NFASC: variants seen among roughly 807,000 people sequenced by gnomAD.
The protein encoded by NFASC is neurofascin homolog.
NFASC carries 43 observed loss-of-function variants against 147.5 expected under a neutral mutation model. The ratio of observed to expected loss-of-function variants is 0.29; its 90% CI spans 0.23 to 0.38. The LOEUF (loss-of-function observed/expected upper bound fraction) is 0.38, where lower values mean the gene tolerates loss of function less well. NFASC is among the 10% of genes least tolerant of loss of function. The pLI is 1.00. For missense variants in NFASC, 1,320 were observed against 1,689.0 expected (o/e 0.78, Z 3.83); for synonymous variants, 622 against 665.5 (o/e 0.93, Z 1.01).
At chr1:204,843,843 C>A (rs958281708) in intron 1 of NFASC, among the ~76,000 whole-genome samples, 2 of 152,064 alleles carry the variant, frequency 1.3e-5, no homozygotes, top group Non-Finnish European at 2.9e-5. Flanking sequence ...TCCCGAGTAG[C>A]TGGGATTACA....
chr1:204,991,400 G>A, intron 24 of NFASC, 94 bp downstream of exon 24: 1 of 1,317,798 alleles, frequency 7.6e-7, no homozygotes, highest in East Asian at 2.4e-5. Context: ...AGAGGCTCAG[G>A]CTGAAAGCAT....
chr1:204,925,888 G>A (rs1009411581), intron 2 of NFASC, among the ~76,000 whole-genome samples: 7 of 152,172 alleles, frequency 4.6e-5, no homozygotes, highest in Non-Finnish European at 1.0e-4. Context: ...AGCTTGGCAG[G>A]GCCCAGGGTG....
intron 2 of NFASC, among the ~76,000 whole-genome samples, chr1:204,924,191 A>G (rs2091072156): frequency 6.6e-6 from 1 of 151,548 alleles, no homozygotes; most frequent in East Asian, 1.9e-4. Context: ...CCCCTCCCCC[A>G]TGCCTCCTGT....
chr1:204,994,870 T>A (rs1016874634), intron 24 of NFASC, among the ~76,000 whole-genome samples: 8 of 152,156 alleles, frequency 5.3e-5, no homozygotes, highest in African/African-American at 1.4e-4. Flanking sequence ...GTGCACACTT[T>A]GGGAGGCTGA....
At position 205,021,675 on chromosome 1, in the gene NFASC, GA is replaced by G. The variant is rs2096401547; in HGVS notation, c.*5139del. On this transcript the variant is annotated 3_prime_UTR_variant, in exon 30 of 30. Transcript: ENST00000339876. ...TCATCTCACCACAGCTGCCTCCTTT[GA>G]AACAGAGGTATTAAGATCTGTCCTT... The G allele has an allele frequency of 6.5e-6, 1 of 153,490 alleles. No homozygotes were observed. Among genetic ancestry groups the G allele is most frequent in the South Asian group, 2.1e-4 (1 of 4,832 alleles). The allele number at this position is 153,490 out of a possible 1,614,324, so 9.5% of individuals were successfully genotyped here. A position where few individuals can be genotyped will look rare whatever the true frequency, so the allele number is the denominator to read the frequency against.
chr1:204,985,755 A>T (rs1469430024), intron 21 of NFASC, among the ~76,000 whole-genome samples: 1 of 152,218 alleles, frequency 6.6e-6, no homozygotes, highest in African/African-American at 2.4e-5. Context: ...AGCGGGGATT[A>T]AAAGGCTGCT....
At chr1:205,006,956 TAAG>T (rs921736898) in intron 27 of NFASC, among the ~76,000 whole-genome samples, 1 of 129,730 alleles carries the variant, frequency 7.7e-6, no homozygotes, top group African/African-American at 2.5e-5. Context: ...TGATGAGAGT[TAAG>T]GAGGTGGAGG....
At chr1:204,871,094 C>T (rs1389196363) in intron 1 of NFASC, 1 of 1,289,780 alleles carries the variant, frequency 7.8e-7, no homozygotes, top group South Asian at 1.2e-5. Flanking sequence ...CTCTGCCCTC[C>T]CTCTTGGCCT....
chr1:204,956,474 T>C (rs1264739925), intron 7 of NFASC, among the ~76,000 whole-genome samples: 1 of 152,232 alleles, frequency 6.6e-6, no homozygotes, highest in Non-Finnish European at 1.5e-5. Context: ...TCTCCTGGTA[T>C]AAGATATGCA....
At chr1:204,916,216 A>G (rs2089214987) in intron 1 of NFASC, among the ~76,000 whole-genome samples, 1 of 152,232 alleles carries the variant, frequency 6.6e-6, no homozygotes, top group Non-Finnish European at 1.5e-5. Flanking sequence ...ATTGGAAGAT[A>G]TCAGGTGCCT....
Position 204,954,987 on chromosome 1 carries a change from T to C in NFASC, c.535+36T>C. 1 of 1,404,102 alleles carries C rather than the reference T, an allele frequency of 7.1e-7. No individual in the cohort carries two copies. The highest frequency in any genetic ancestry group is 9.8e-7 in the Non-Finnish European group (1 of 1,021,546). The allele number at this position is 1,404,102 out of a possible 1,614,324, so 87.0% of individuals were successfully genotyped here. A position where few individuals can be genotyped will look rare whatever the true frequency, so the allele number is the denominator to read the frequency against. On this transcript the variant is annotated intron_variant, in intron 7 of 29. Coordinates refer to ENST00000339876, the MANE Select transcript of NFASC (RefSeq NM_001005388.3). This position sits in a 1 kb window ranked among gnomAD's most constrained non-coding sequence, Gnocchi z 5.7. ...GGGGCCTGGTGTTGTGTTTATATCT[T>C]AACCTTAGGGGGTGGGGTGGGTGTG...
chr1:204,967,525 T>C (rs1014273196), intron 8 of NFASC, among the ~76,000 whole-genome samples: 1 of 152,254 alleles, frequency 6.6e-6, no homozygotes, highest in Non-Finnish European at 1.5e-5. Context: ...AGTTGCATTA[T>C]AGATCATCAC....
intron 3 of NFASC, 90 bp from the exon 4 acceptor site, chr1:204,950,467 G>A: frequency 8.2e-7 from 1 of 1,218,370 alleles, no homozygotes. Context: ...CACTCCCTGT[G>A]TGCTGGGGCG....
intron 21 of NFASC, among the ~76,000 whole-genome samples, chr1:204,983,462 T>C (rs771886865): frequency 2.6e-5 from 4 of 152,144 alleles, no homozygotes; most frequent in Non-Finnish European, 4.4e-5. Flanking sequence ...ATTATGCCAC[T>C]CTGAGCCTCC....
intron 1 of NFASC, among the ~76,000 whole-genome samples, chr1:204,911,682 A>G (rs1168895276): frequency 2.0e-5 from 3 of 152,212 alleles, no homozygotes; most frequent in Non-Finnish European, 2.9e-5. Context: ...CCCCTCTTCT[A>G]TAAAAGAGAT....
At chr1:204,977,768 G>A (rs1326545680) in intron 17 of NFASC, 43 bp downstream of exon 17, 1 of 1,579,596 alleles carries the variant, frequency 6.3e-7, no homozygotes, top group Non-Finnish European at 8.7e-7. Flanking sequence ...GCCCTCTCTT[G>A]GCACCCAGGG....
rs371748512 is a variant in NFASC, at chr1:204,987,510, A to G, written c.2563A>G (p.Met855Val). The change falls in exon 22 of 30, where the codon ATG becomes GTG. Residue 855 changes from methionine to valine, a missense_variant. Around this residue, in one of 3 missense-constraint regions of NFASC, gnomAD observed 981 missense variants for 1,289.5 expected, o/e 0.76. Transcript: ENST00000339876. This position sits in a 1 kb window ranked among gnomAD's most constrained non-coding sequence, Gnocchi z 4.4. ...WDHPEHPNGI[M>V]IGYTLKYVAF... ...TCATCCTGAGCATCCAAATGGGATC[A>G]TGATTGGATACACTCTCAAATATGT... The G allele has an allele frequency of 3.1e-6, 5 of 1,613,896 alleles. No homozygotes were observed. Among genetic ancestry groups the G allele is most frequent in the South Asian group, 1.1e-5 (1 of 91,082 alleles).
intron 1 of NFASC, among the ~76,000 whole-genome samples, chr1:204,917,805 C>T (rs538096522): frequency 5.3e-5 from 8 of 152,244 alleles, no homozygotes; most frequent in African/African-American, 1.9e-4. Context: ...ATGTTTGCTG[C>T]ATCAAATTTG....
At chr1:204,863,442 A>G (rs1234058203) in intron 1 of NFASC, among the ~76,000 whole-genome samples, 1 of 152,194 alleles carries the variant, frequency 6.6e-6, no homozygotes, top group Non-Finnish European at 1.5e-5. Context: ...ATAATAGAAA[A>G]CTTGCTATTT....
Sources: gnomAD v4.1 joint callset for allele counts (sites outside exome capture counted in the v4.1 genomes callset) on GRCh38, gnomAD v4.1.1 for gene constraint, gnomAD v4.1.1 regional missense constraint, Gnocchi (gnomAD v3.1) non-coding constraint, MANE v1.5 for transcripts, NCBI Gene and HGNC (gene_info 2026-07-23, HGNC 2026-07-21) for gene names.